Variants in TENM3 observed in about 807,000 individuals in gnomAD.
The protein encoded by TENM3 is teneurin-3.
Under a neutral mutation model 255.1 loss-of-function variants are expected in TENM3, and 63 were observed. The ratio of observed to expected loss-of-function variants is 0.25; its 90% CI spans 0.20 to 0.30. The LOEUF (loss-of-function observed/expected upper bound fraction) is 0.30, where lower values mean the gene tolerates loss of function less well. Among genes scored for constraint, TENM3 ranks in the 10% least tolerant of loss-of-function variants. The pLI is 1.00. For missense variants in TENM3, 2,929 were observed against 3,461.1 expected (o/e 0.85, Z 3.86); for synonymous variants, 1,306 against 1,322.3 (o/e 0.99, Z 0.27).
At chr4:182,151,068 A>C (rs887373383) in intron 1 of TENM3, among the ~76,000 whole-genome samples, 1 of 152,080 alleles carries the variant, frequency 6.6e-6, no homozygotes, top group Non-Finnish European at 1.5e-5. Context: ...CTTTTTTGAC[A>C]ATAGGGGCGT....
the TENM3 span, among the ~76,000 whole-genome samples, chr4:182,012,391 C>T: frequency 5.9e-5 from 9 of 152,132 alleles, no homozygotes. Context: ...CAAATTTCAG[C>T]AAATAGCAAT....
the TENM3 span, among the ~76,000 whole-genome samples, chr4:181,843,471 A>G: frequency 3.9e-5 from 6 of 152,202 alleles, no homozygotes; most frequent in Admixed American, 3.3e-4. Flanking sequence ...CCAGTATACT[A>G]AGAATTTGAG....
the TENM3 span, among the ~76,000 whole-genome samples, chr4:181,495,401 T>C: frequency 1.3e-5 from 2 of 152,170 alleles, no homozygotes; most frequent in Non-Finnish European, 2.9e-5. Flanking sequence ...TCTAGAAAAC[T>C]TCTAAGCATT....
At chr4:181,864,557 A>C in the TENM3 span, among the ~76,000 whole-genome samples, 1 of 152,208 alleles carries the variant, frequency 6.6e-6, no homozygotes, top group Non-Finnish European at 1.5e-5. Context: ...ATCAGAATCC[A>C]GTTAGACCAC....
At chr4:181,639,981 G>T in the TENM3 span, among the ~76,000 whole-genome samples, 3 of 152,288 alleles carry the variant, frequency 2.0e-5, no homozygotes, top group Non-Finnish European at 2.9e-5. Flanking sequence ...ATTTTGTGAT[G>T]CAGTGAATAC....
chr4:182,302,104 A>T (rs1377153988), intron 1 of TENM3, among the ~76,000 whole-genome samples: 1 of 152,180 alleles, frequency 6.6e-6, no homozygotes, highest in Admixed American at 6.5e-5. Context: ...GAAAAAAATG[A>T]TTATTTTGCC....
At chr4:181,827,826 T>C in the TENM3 span, among the ~76,000 whole-genome samples, 1 of 152,164 alleles carries the variant, frequency 6.6e-6, no homozygotes, top group Admixed American at 6.5e-5. Context: ...GAGTCATTGT[T>C]GCAAAGTACT....
the TENM3 span, among the ~76,000 whole-genome samples, chr4:182,080,717 C>A: frequency 6.6e-6 from 1 of 152,184 alleles, no homozygotes. Context: ...GCAGGCCCAG[C>A]ATGGTGGCTC....
intron 3 of TENM3, among the ~76,000 whole-genome samples, chr4:182,434,907 T>G (rs1267624385): frequency 5.9e-5 from 9 of 152,126 alleles, no homozygotes; most frequent in Non-Finnish European, 1.2e-4. Context: ...CAGCTCAGCC[T>G]GGGGTCTGAG....
the TENM3 span, among the ~76,000 whole-genome samples, chr4:181,815,729 A>G: frequency 6.6e-5 from 10 of 152,178 alleles, no homozygotes; most frequent in Non-Finnish European, 1.2e-4. Flanking sequence ...GGTTGCTTAG[A>G]TGAGATTTTC....
chr4:182,489,966 ATAT>A (rs1158921478), intron 3 of TENM3, among the ~76,000 whole-genome samples: 1 of 152,134 alleles, frequency 6.6e-6, no homozygotes, highest in Non-Finnish European at 1.5e-5. Context: ...CATGTAAAAA[ATAT>A]TATACAAGGT....
chr4:182,379,389 A>T (rs929787751), intron 3 of TENM3, among the ~76,000 whole-genome samples: 1 of 152,162 alleles, frequency 6.6e-6, no homozygotes, highest in African/African-American at 2.4e-5. Flanking sequence ...AGAAACAGGA[A>T]GAGCATAAAA....
At chr4:182,112,512 A>G in the TENM3 span, among the ~76,000 whole-genome samples, 1 of 152,224 alleles carries the variant, frequency 6.6e-6, no homozygotes, top group African/African-American at 2.4e-5. Context: ...TCACAGAGAA[A>G]GTAATCAATG....
chr4:181,594,669 G>A, the TENM3 span, among the ~76,000 whole-genome samples: 2 of 152,118 alleles, frequency 1.3e-5, no homozygotes, highest in Non-Finnish European at 2.9e-5. Flanking sequence ...CCCTCAGTAT[G>A]CTGAAGATTC....
At chr4:181,815,171 G>A in the TENM3 span, among the ~76,000 whole-genome samples, 1 of 152,038 alleles carries the variant, frequency 6.6e-6, no homozygotes, top group Non-Finnish European at 1.5e-5. Flanking sequence ...TGTAGAGGAA[G>A]CCAGGCATGG....
intron 22 of TENM3, 26 bp downstream of exon 22, chr4:182,755,285 A>G: frequency 6.6e-7 from 1 of 1,507,928 alleles, no homozygotes. Flanking sequence ...TTCTACTCTG[A>G]TTATAAAATA....
At chr4:182,260,259 T>A (rs1431399271) in intron 1 of TENM3, among the ~76,000 whole-genome samples, 1 of 152,180 alleles carries the variant, frequency 6.6e-6, no homozygotes, top group Non-Finnish European at 1.5e-5. Context: ...TACCCAGTAG[T>A]GGAATTGCTC....
At chr4:181,695,280 G>A in the TENM3 span, among the ~76,000 whole-genome samples, 1 of 152,088 alleles carries the variant, frequency 6.6e-6, no homozygotes, top group African/African-American at 2.4e-5. Flanking sequence ...CTAGCATTGT[G>A]GAATAATCCA....
chr4:182,386,949 G>C lies in TENM3; in HGVS notation c.511+40020G>C, dbSNP rs189712434. On this transcript the variant is annotated intron_variant, in intron 3 of 27. Transcript: ENST00000511685. ...TGAGGAGTGCGAGCACATGGCGCGGGGCTGGCAGGCAGCTCCACCTGCAGC... is the reference window on the plus strand; with the variant it reads ...TGAGGAGTGCGAGCACATGGCGCGGCGCTGGCAGGCAGCTCCACCTGCAGC... Among the ~76,000 whole-genome samples, 1,445 of 152,378 alleles carry C rather than the reference G, an allele frequency of 9.5e-3. 25 individuals carry two copies. The highest frequency in any genetic ancestry group is 0.033 in the African/African-American group (1,386 of 41,592).
Sources: gnomAD v4.1 joint callset for allele counts (sites outside exome capture counted in the v4.1 genomes callset) on GRCh38, gnomAD v4.1.1 for gene constraint, MANE v1.5 for transcripts, NCBI Gene and HGNC (gene_info 2026-07-23, HGNC 2026-07-21) for gene names.